C11orf65: variants seen among roughly 807,000 people sequenced by gnomAD.
The protein encoded by C11orf65 is protein MFI.
C11orf65 carries 38 observed loss-of-function variants against 35.3 expected under a neutral mutation model. That is an observed-to-expected ratio of 1.08 (90% CI 0.83 to 1.41). The LOEUF (loss-of-function observed/expected upper bound fraction) is 1.41. Ranked by LOEUF, C11orf65 falls within the 40% of genes most tolerant of loss-of-function variation. The probability of loss-of-function intolerance (pLI) is 0.00; values close to 1 mark genes in which losing one functional copy is unlikely to be tolerated. For missense variants in C11orf65, 370 were observed against 367.1 expected (o/e 1.01, Z -0.06); for synonymous variants, 105 against 114.4 (o/e 0.92, Z 0.53).
chr11:108,345,313 G>A (rs955448807), intron 2 of C11orf65, among the ~76,000 whole-genome samples: 2 of 152,192 alleles, frequency 1.3e-5, no homozygotes, highest in Non-Finnish European at 2.9e-5. Context: ...TTTATGGCAA[G>A]AAGATGTTGG....
In C11orf65 at chr11:108,316,102, G is replaced by T. The variant is rs2136132184; in HGVS notation, c.641-7031C>A. ...AATCCCCTCATCAACACGCCAGGCA[G>T]GAATCATTCAGGTACATTTTTTCCC... On this transcript the variant is annotated intron_variant, in intron 6 of 6. Coordinates refer to the C11orf65 transcript ENST00000525729. The T allele has an allele frequency of 6.2e-7, 1 of 1,613,988 alleles. No homozygotes were observed. Among genetic ancestry groups the T allele is most frequent in the Non-Finnish European group, 8.5e-7 (1 of 1,179,926 alleles).
At chr11:108,348,194 T>TAAGA (rs756684205) in intron 2 of C11orf65, among the ~76,000 whole-genome samples, 4 of 151,922 alleles carry the variant, frequency 2.6e-5, no homozygotes, top group Non-Finnish European at 5.9e-5. Context: ...GTTTAATATA[T>TAAGA]AAGAAAGAAA....
chr11:108,310,344 A>T, intron 6 of C11orf65: 1 of 1,591,854 alleles, frequency 6.3e-7, no homozygotes, highest in Non-Finnish European at 8.6e-7. Flanking sequence ...TTTGGTTTTT[A>T]AAATTAATGT....
intron 3 of C11orf65, among the ~76,000 whole-genome samples, chr11:108,408,027 A>T (rs934155894): frequency 5.1e-5 from 7 of 138,312 alleles, no homozygotes; most frequent in African/African-American, 2.0e-4. Flanking sequence ...TATTATTATT[A>T]TTTTATTATT....
intron 2 of C11orf65, among the ~76,000 whole-genome samples, chr11:108,362,345 T>C (rs1298380069): frequency 1.3e-5 from 2 of 151,518 alleles, no homozygotes; most frequent in African/African-American, 4.8e-5. Flanking sequence ...TTTTACACTG[T>C]TGGTGGGACT....
chr11:108,450,975 T>C (rs1409277131), intron 2 of C11orf65, among the ~76,000 whole-genome samples: 1 of 151,806 alleles, frequency 6.6e-6, no homozygotes, highest in African/African-American at 2.4e-5. Context: ...TGCTAAAAAC[T>C]CTCAATAAAC....
intron 3 of C11orf65, among the ~76,000 whole-genome samples, chr11:108,334,542 T>C (rs1050512567): frequency 6.6e-6 from 1 of 151,864 alleles, no homozygotes; most frequent in Non-Finnish European, 1.5e-5. Context: ...ATTGTCTTTC[T>C]TTTCATTTTG....
chr11:108,419,843 TGAAATCCA>T (rs2092789946), intron 3 of C11orf65, among the ~76,000 whole-genome samples: 1 of 152,260 alleles, frequency 6.6e-6, no homozygotes, highest in African/African-American at 2.4e-5. Flanking sequence ...CCTTTCCCTC[TGAAATCCA>T]GAATAAGACA....
In C11orf65 at chr11:108,446,234, C is replaced by G. The variant is rs575654286; in HGVS notation, c.82-14396G>C. ...CAGGATATTATCCAGGAGAACTTCC[C>G]CAATCTAGCAAGGCAGGCCAACATT... On this transcript the variant is annotated intron_variant, in intron 2 of 8. Coordinates refer to ENST00000393084, the MANE Select transcript of C11orf65 (RefSeq NM_152587.5). Among the ~76,000 whole-genome samples, 592 of 151,730 alleles carry G rather than the reference C, an allele frequency of 3.9e-3. 15 individuals carry two copies. The highest frequency in any genetic ancestry group is 6.8e-3 in the Middle Eastern group (2 of 294).
chr11:108,407,036 T>C, intron 4 of C11orf65, 60 bp downstream of exon 4: 1 of 1,572,032 alleles, frequency 6.4e-7, no homozygotes, highest in Non-Finnish European at 8.7e-7. Flanking sequence ...AAAATTACAT[T>C]GTTTCAATTT....
At chr11:108,436,373 C>T (rs1378342305) in intron 2 of C11orf65, among the ~76,000 whole-genome samples, 1 of 152,130 alleles carries the variant, frequency 6.6e-6, no homozygotes, top group African/African-American at 2.4e-5. Flanking sequence ...AAGTACTTAA[C>T]CTTCCACCTG....
intron 2 of C11orf65, among the ~76,000 whole-genome samples, chr11:108,374,686 T>A (rs2091672896): frequency 6.6e-6 from 1 of 152,124 alleles, no homozygotes; most frequent in Admixed American, 6.6e-5. Context: ...ATCAAACTAC[T>A]CCGAGCTACA....
chr11:108,411,590 C>G (rs979381243), intron 3 of C11orf65, among the ~76,000 whole-genome samples: 3 of 152,118 alleles, frequency 2.0e-5, no homozygotes, highest in Non-Finnish European at 4.4e-5. Context: ...GTGTTAAAAT[C>G]TTCGACTATG....
At chr11:108,327,879 T>C (rs753331516), downstream of C11orf65, 2 of 846,740 alleles carry the variant, frequency 2.4e-6, no homozygotes, top group Non-Finnish European at 3.8e-6. Context: ...TATATATTAT[T>C]ACTGTTGTAG....
At chr11:108,332,077 A>C (rs968158978) in intron 3 of C11orf65, 1 of 1,606,548 alleles carries the variant, frequency 6.2e-7, no homozygotes, top group Non-Finnish European at 8.5e-7. Context: ...GAAGTGTGAT[A>C]TTCAGTCTTT....
chr11:108,447,514 C>T (rs1173979782), intron 2 of C11orf65, among the ~76,000 whole-genome samples: 1 of 152,092 alleles, frequency 6.6e-6, no homozygotes, highest in South Asian at 2.1e-4. Context: ...GGAAACTGAA[C>T]AACCTGCTCC....
downstream of C11orf65, chr11:108,329,027 G>C (rs587781672): frequency 6.2e-7 from 1 of 1,613,910 alleles, no homozygotes. Context: ...GAAGGCAGTA[G>C]AAGTTGCTGG....
intron 2 of C11orf65, chr11:108,368,215 T>A (rs2091431682): frequency 4.8e-6 from 1 of 206,926 alleles, no homozygotes; most frequent in South Asian, 1.9e-4. Flanking sequence ...ATAAAAGATT[T>A]TTTTTTTGTA....
intron 6 of C11orf65, among the ~76,000 whole-genome samples, chr11:108,314,058 T>G (rs559769215): frequency 1.3e-5 from 2 of 152,340 alleles, no homozygotes; most frequent in South Asian, 4.1e-4. Flanking sequence ...ACCTTTATTC[T>G]TACCAAATTG....
Sources: gnomAD v4.1 joint callset for allele counts (sites outside exome capture counted in the v4.1 genomes callset) on GRCh38, gnomAD v4.1.1 for gene constraint, MANE v1.5 for transcripts, NCBI Gene and HGNC (gene_info 2026-07-23, HGNC 2026-07-21) for gene names.